Variants in XPO4 observed in about 807,000 individuals in gnomAD.
XPO4 encodes the protein exportin 4, also known as exportin-4.
Under a neutral mutation model 143.0 loss-of-function variants are expected in XPO4, and 39 were observed. That is an observed-to-expected ratio of 0.27 (90% CI 0.21 to 0.36). XPO4 has a LOEUF of 0.36. Among genes scored for constraint, XPO4 ranks in the 10% least tolerant of loss-of-function variants. The pLI is 1.00. For missense variants in XPO4, 907 were observed against 1,348.0 expected (o/e 0.67, Z 5.12); for synonymous variants, 439 against 474.0 (o/e 0.93, Z 0.96).
chr13:20,789,377 G>C lies in XPO4; in HGVS notation c.2917-761C>G, dbSNP rs994378168. 3.3e-5 allele frequency among the ~76,000 whole-genome samples: 5 copies of C among 150,224 alleles called. No homozygotes were observed. In the East Asian group the frequency reaches 8.0e-4, roughly 24 times the overall value. ...TCTTCTCGTATGTACTCACCTTCTG[G>C]ACACTTCTCAGCCTCTACTTTTTTT... On this transcript the variant is annotated intron_variant, in intron 19 of 22. Transcript: ENST00000255305.
intron 6 of XPO4, among the ~76,000 whole-genome samples, chr13:20,837,542 T>C (rs1042498909): frequency 1.3e-5 from 2 of 151,988 alleles, no homozygotes; most frequent in Non-Finnish European, 2.9e-5. Flanking sequence ...AATAATTGGG[T>C]CTACAGGTGT....
At chr13:20,902,453 C>T in intron 1 of XPO4, 1 of 985,420 alleles carries the variant, frequency 1.0e-6, no homozygotes, top group Non-Finnish European at 1.2e-6. Context: ...GGGTGCTGGG[C>T]AGCCAGGGGA....
chr13:20,875,918 C>G (rs1022512762), intron 1 of XPO4, among the ~76,000 whole-genome samples: 3 of 151,732 alleles, frequency 2.0e-5, no homozygotes, highest in Admixed American at 2.0e-4. Flanking sequence ...ATAATCCTAA[C>G]TCATGTAAGG....
intron 1 of XPO4, among the ~76,000 whole-genome samples, chr13:20,873,084 A>C (rs1284637308): frequency 2.8e-5 from 4 of 143,788 alleles, no homozygotes; most frequent in African/African-American, 1.0e-4. Flanking sequence ...GAGACCCGTG[A>C]CCATTCCAAG....
intron 1 of XPO4, among the ~76,000 whole-genome samples, chr13:20,892,222 GAT>G (rs2060525002): frequency 2.0e-5 from 3 of 152,018 alleles, no homozygotes; most frequent in Non-Finnish European, 4.4e-5. Context: ...GAGTAGCTGG[GAT>G]TACACACATG....
At position 20,823,073 on chromosome 13, in the gene XPO4, A is replaced by G. The variant is rs17058757; in HGVS notation, c.841-784T>C. Among the ~76,000 whole-genome samples, 1,479 of 152,334 alleles carry G rather than the reference A, an allele frequency of 9.7e-3. 25 individuals carry two copies. Among genetic ancestry groups the G allele is most frequent in the African/African-American group, 0.034 (1,424 of 41,580 alleles). On this transcript the variant is annotated intron_variant, in intron 7 of 22. Coordinates refer to ENST00000255305, the MANE Select transcript of XPO4 (RefSeq NM_022459.5). ...TTTCATTTCTGTAATCTGACATATT[A>G]GAGCCAAGGAAAATTTAGTGAAGGA...
intron 1 of XPO4, among the ~76,000 whole-genome samples, chr13:20,876,415 T>C (rs532244211): frequency 2.6e-5 from 4 of 151,702 alleles, no homozygotes; most frequent in South Asian, 2.1e-4. Context: ...CTATGACATA[T>C]GACAAATCAA....
intron 1 of XPO4, among the ~76,000 whole-genome samples, chr13:20,891,158 C>T (rs1395285286): frequency 1.4e-5 from 2 of 139,980 alleles, no homozygotes; most frequent in East Asian, 2.3e-4. Flanking sequence ...AAAGAACAAA[C>T]GGCCACACTC....
At chr13:20,863,988 T>C (rs946395157) in intron 2 of XPO4, among the ~76,000 whole-genome samples, 1 of 152,208 alleles carries the variant, frequency 6.6e-6, no homozygotes, top group Non-Finnish European at 1.5e-5. Context: ...TATAAATTCC[T>C]ATCGTATTAG....
At chr13:20,860,532 T>C (rs181411359) in intron 3 of XPO4, among the ~76,000 whole-genome samples, 16 of 152,342 alleles carry the variant, frequency 1.1e-4, no homozygotes, top group Admixed American at 6.5e-4. Context: ...CTGAATTACA[T>C]TGTGTGCAAA....
chr13:20,818,833 T>C (rs1178961273), intron 9 of XPO4, among the ~76,000 whole-genome samples: 1 of 152,068 alleles, frequency 6.6e-6, no homozygotes, highest in African/African-American at 2.4e-5. Context: ...CTTTGTTTTT[T>C]TGTTGAGATG....
chr13:20,884,064 C>G (rs1006210552), intron 1 of XPO4, among the ~76,000 whole-genome samples: 3 of 152,172 alleles, frequency 2.0e-5, no homozygotes, highest in African/African-American at 7.2e-5. Context: ...CCACACCCGG[C>G]CAAACATATT....
intron 1 of XPO4, among the ~76,000 whole-genome samples, chr13:20,883,113 C>T (rs960979786): frequency 5.3e-5 from 8 of 152,208 alleles, no homozygotes; most frequent in African/African-American, 1.2e-4. Context: ...CCTTGCAGGC[C>T]CTGAGAATGG....
intron 4 of XPO4, among the ~76,000 whole-genome samples, chr13:20,854,404 C>T (rs774520389): frequency 6.6e-6 from 1 of 152,142 alleles, no homozygotes; most frequent in South Asian, 2.1e-4. Flanking sequence ...CTAAAATACA[C>T]CACAGCATCT....
chr13:20,791,073 C>T (rs1173587105), intron 18 of XPO4, among the ~76,000 whole-genome samples: 1 of 151,390 alleles, frequency 6.6e-6, no homozygotes, highest in Admixed American at 6.6e-5. Context: ...AAAGAACAAC[C>T]AATATGACAA....
chr13:20,824,283 G>A (rs1342815440), intron 7 of XPO4, among the ~76,000 whole-genome samples: 1 of 152,118 alleles, frequency 6.6e-6, no homozygotes, highest in Admixed American at 6.5e-5. Flanking sequence ...TCCGAAATCT[G>A]TAATTAAATT....
intron 3 of XPO4, chr13:20,857,995 T>C (rs1022850640): frequency 1.0e-6 from 1 of 984,864 alleles, no homozygotes; most frequent in East Asian, 1.1e-4. Flanking sequence ...TATAGTATTC[T>C]ACCTATGCAG....
chr13:20,851,128 T>G (rs574088424), intron 4 of XPO4: 3 of 985,266 alleles, frequency 3.0e-6, no homozygotes, highest in Non-Finnish European at 3.6e-6. Context: ...AAGTAAATTC[T>G]TGAACCACTT....
At position 20,780,200 on chromosome 13, in the gene XPO4, A is replaced by G. The variant is rs991315221; in HGVS notation, c.*3522T>C. ...AGGTTAATGTTTTATTCAGGAACCA[A>G]TAACAATAATTCCTCATCAAAGACA... is the stretch of plus-strand genomic sequence containing the variant. On this transcript the variant is annotated 3_prime_UTR_variant, in exon 23 of 23. Transcript: ENST00000255305. The G allele has an allele frequency of 1.3e-5, 2 of 152,234 alleles. No individual in the cohort carries two copies. The highest frequency in any genetic ancestry group is 4.8e-5 in the African/African-American group (2 of 41,460). 9.4% of individuals were successfully genotyped at this position (152,234 alleles called of 1,614,324 possible).
Sources: gnomAD v4.1 joint callset for allele counts (sites outside exome capture counted in the v4.1 genomes callset) on GRCh38, gnomAD v4.1.1 for gene constraint, MANE v1.5 for transcripts, NCBI Gene and HGNC (gene_info 2026-07-23, HGNC 2026-07-21) for gene names.